Variants in RNF220 observed in about 807,000 individuals in gnomAD.
RNF220 encodes ring finger protein 220.
Under a neutral mutation model 67.1 loss-of-function variants are expected in RNF220, and 7 were observed. That is an observed-to-expected ratio of 0.10 (90% confidence interval 0.06 to 0.20). RNF220 has a LOEUF of 0.20. RNF220 is among the 10% of genes least tolerant of loss of function. The pLI is 1.00. For missense variants in RNF220, 565 were observed against 740.3 expected (o/e 0.76, Z 2.75); for synonymous variants, 270 against 283.2 (o/e 0.95, Z 0.47).
chr1:44,609,041 C>G (rs982586102), intron 2 of RNF220, among the ~76,000 whole-genome samples: 2 of 152,290 alleles, frequency 1.3e-5, no homozygotes, highest in South Asian at 4.1e-4. Flanking sequence ...AGCTCAATAA[C>G]GTTAAGTGAT....
intron 5 of RNF220, 39 bp downstream of exon 5, chr1:44,626,437 A>C: frequency 1.0e-3 from 1,548 of 1,517,092 alleles, no homozygotes; most frequent in Non-Finnish European, 1.3e-3. Context: ...AAGCAAGCTC[A>C]CCTGGGGGAG....
intron 2 of RNF220, among the ~76,000 whole-genome samples, chr1:44,506,027 C>T (rs890665860): frequency 2.0e-5 from 3 of 152,174 alleles, no homozygotes; most frequent in Admixed American, 6.5e-5. Flanking sequence ...TAATAGAGCA[C>T]TCCTATTCCT....
chr1:44,475,652 T>A (rs561493084), intron 2 of RNF220, among the ~76,000 whole-genome samples: 15 of 151,158 alleles, frequency 9.9e-5, no homozygotes, highest in South Asian at 4.2e-4. Context: ...AATCATCCAA[T>A]GCATTGAATA....
intron 2 of RNF220, among the ~76,000 whole-genome samples, chr1:44,527,685 G>A (rs1453577709): frequency 6.6e-6 from 1 of 151,844 alleles, no homozygotes; most frequent in African/African-American, 2.4e-5. Context: ...CAGCACTTTG[G>A]GAGGCTGAGA....
At chr1:44,465,868 C>T (rs768141840) in intron 2 of RNF220, among the ~76,000 whole-genome samples, 1 of 151,984 alleles carries the variant, frequency 6.6e-6, no homozygotes, top group Non-Finnish European at 1.5e-5. Flanking sequence ...TTCAGCAAAT[C>T]ATATTTTTGC....
At position 44,621,098 on chromosome 1, in the gene RNF220, T is replaced by C. The variant is rs1643775083; in HGVS notation, c.759-1644T>C. Among the ~76,000 whole-genome samples the C allele has an allele frequency of 1.3e-5, 2 of 152,112 alleles. No homozygotes were observed. The highest frequency in any genetic ancestry group is 6.5e-5 in the Admixed American group (1 of 15,276). ...GCCCAGCTAATTTTTGTATTTTTAG[T>C]AGAGACGGGGTTTCACCATGTTGGC... On this transcript the variant is annotated intron_variant, in intron 3 of 14. Transcript: ENST00000361799. This position sits in a 1 kb window ranked among gnomAD's most constrained non-coding sequence, Gnocchi z 4.8.
At chr1:44,511,451 G>A (rs1286689578) in intron 2 of RNF220, among the ~76,000 whole-genome samples, 1 of 152,134 alleles carries the variant, frequency 6.6e-6, no homozygotes, top group East Asian at 1.9e-4. Context: ...AGAGAAGTGG[G>A]AGATTCATCT....
intron 2 of RNF220, among the ~76,000 whole-genome samples, chr1:44,476,296 A>G (rs570749320): frequency 1.3e-5 from 2 of 152,280 alleles, no homozygotes; most frequent in South Asian, 4.1e-4. Flanking sequence ...GTGGTTCACA[A>G]ATGTTCATTT....
intron 5 of RNF220, among the ~76,000 whole-genome samples, chr1:44,628,293 C>A (rs994114166): frequency 3.9e-5 from 6 of 152,112 alleles, no homozygotes; most frequent in African/African-American, 1.2e-4. Context: ...CCCTGACCCA[C>A]CTTCCTCCCC....
intron 2 of RNF220, among the ~76,000 whole-genome samples, chr1:44,508,598 G>T (rs561154845): frequency 5.3e-5 from 8 of 152,162 alleles, no homozygotes; most frequent in Non-Finnish European, 1.0e-4. Context: ...ACCACAGAAC[G>T]TAACACAACC....
chr1:44,440,546 T>G (rs1054169546), intron 2 of RNF220, among the ~76,000 whole-genome samples: 1 of 152,226 alleles, frequency 6.6e-6, no homozygotes, highest in Admixed American at 6.5e-5. Context: ...TGTCTCCATT[T>G]TATATAGTGC....
chr1:44,632,626 G>C, intron 6 of RNF220: 1 of 586,582 alleles, frequency 1.7e-6, no homozygotes, highest in Non-Finnish European at 3.0e-6. Context: ...AGAACCCTGG[G>C]GGGGCAATAA....
chr1:44,560,232 TG>T (rs1449404000), intron 2 of RNF220, among the ~76,000 whole-genome samples: 42 of 152,132 alleles, frequency 2.8e-4, no homozygotes, highest in African/African-American at 1.0e-3. Flanking sequence ...AAGCTCTAGA[TG>T]GTGGCTGATG....
intron 2 of RNF220, among the ~76,000 whole-genome samples, chr1:44,512,710 GC>G (rs1659111292): frequency 6.6e-6 from 1 of 152,220 alleles, no homozygotes; most frequent in South Asian, 2.1e-4. Flanking sequence ...GACGACGGAG[GC>G]GGCAGGAGTG....
chr1:44,408,435 G>C (rs995843047), intron 1 of RNF220, among the ~76,000 whole-genome samples: 2 of 152,176 alleles, frequency 1.3e-5, no homozygotes, highest in African/African-American at 4.8e-5. Flanking sequence ...ATTTCTGTTA[G>C]AGCGGTGTTT....
chr1:44,638,146 C>T (rs1410699436), intron 8 of RNF220: 2 of 152,352 alleles, frequency 1.3e-5, no homozygotes, highest in Non-Finnish European at 2.9e-5. Context: ...CCTCCCTGGC[C>T]AGGACTGATA....
At position 44,592,552 on chromosome 1, in the gene RNF220, G is replaced by A. The variant is rs552420891; in HGVS notation, c.626-21613G>A. Among the ~76,000 whole-genome samples the A allele has an allele frequency of 7.8e-4, 119 of 152,272 alleles. 1 individual carries two copies. The highest frequency in any genetic ancestry group is 2.7e-3 in the African/African-American group (113 of 41,552). ...GTGGGCTCCCAGGTTGGCAGCCCCC[G>A]CCCTCTGCACTCCCAGGCCCATACC... is the stretch of plus-strand genomic sequence containing the variant. On this transcript the variant is annotated intron_variant, in intron 2 of 14. Coordinates refer to ENST00000361799, the MANE Select transcript of RNF220 (RefSeq NM_018150.4).
intron 2 of RNF220, among the ~76,000 whole-genome samples, chr1:44,524,548 C>T (rs1473053303): frequency 6.6e-6 from 1 of 152,130 alleles, no homozygotes; most frequent in Non-Finnish European, 1.5e-5. Context: ...ACATCTCTTA[C>T]CTGCCTCAAA....
chr1:44,596,494 G>A (rs2355361), intron 2 of RNF220, among the ~76,000 whole-genome samples: 5 of 72,824 alleles, frequency 6.9e-5, no homozygotes, highest in Non-Finnish European at 1.4e-4. Context: ...CTCGAGAGGC[G>A]GAGGTGGCAG....
Sources: allele counts gnomAD v4.1 joint callset (sites outside exome capture counted in the v4.1 genomes callset), GRCh38; gene constraint gnomAD v4.1.1; non-coding constraint Gnocchi (gnomAD v3.1); transcripts MANE v1.5; gene names NCBI Gene and HGNC (gene_info 2026-07-23, HGNC 2026-07-21).